Variants in ERICH3 observed in about 807,000 individuals in gnomAD.
ERICH3 encodes the protein glutamate rich 3, also known as glutamate-rich protein 3.
A neutral mutation model predicts 131.1 loss-of-function variants in ERICH3; 126 were observed. That is an observed-to-expected ratio of 0.96 (90% CI 0.83 to 1.11). The LOEUF (loss-of-function observed/expected upper bound fraction) is 1.11, where lower values mean the gene tolerates loss of function less well. ERICH3 is among the 50% of genes most tolerant of loss of function. ERICH3 has a pLI of 0.00. For missense variants in ERICH3, 2,050 were observed against 1,810.7 expected (o/e 1.13, Z -2.40); for synonymous variants, 695 against 644.6 (o/e 1.08, Z -1.18).
At chr1:74,579,061 C>A (rs1366869720) in intron 12 of ERICH3, among the ~76,000 whole-genome samples, 1 of 152,074 alleles carries the variant, frequency 6.6e-6, no homozygotes, top group Non-Finnish European at 1.5e-5. Flanking sequence ...CGACTCAAGA[C>A]AATGATGTAA....
At chr1:74,606,155 C>G (rs561957215) in intron 10 of ERICH3, among the ~76,000 whole-genome samples, 12 of 151,794 alleles carry the variant, frequency 7.9e-5, no homozygotes, top group Non-Finnish European at 1.6e-4. Flanking sequence ...TTCCACAACC[C>G]TAAGCCTATA....
intron 1 of ERICH3, among the ~76,000 whole-genome samples, chr1:74,654,800 C>T (rs1646569617): frequency 6.6e-6 from 1 of 152,112 alleles, no homozygotes; most frequent in Admixed American, 6.6e-5. Flanking sequence ...GAAAAACAAG[C>T]CTTAGTTTAA....
intron 3 of ERICH3, 62 bp downstream of exon 3, chr1:74,646,605 T>A (rs921263061): frequency 1.8e-5 from 18 of 978,758 alleles, no homozygotes; most frequent in South Asian, 4.9e-5. Context: ...TATACCTCCA[T>A]CTTCAGTGAT....
intron 9 of ERICH3, 40 bp from the exon 10 acceptor site, chr1:74,606,942 T>C (rs1366453811): frequency 3.9e-6 from 6 of 1,540,008 alleles, no homozygotes; most frequent in Admixed American, 2.0e-5. Flanking sequence ...TTAACCCTTG[T>C]AGACAGCACA....
chr1:74,584,567 A>G (rs1221636553), intron 12 of ERICH3, among the ~76,000 whole-genome samples: 5 of 152,042 alleles, frequency 3.3e-5, no homozygotes, highest in Non-Finnish European at 5.9e-5. Context: ...CACTTCATTC[A>G]TCTCTGTTCA....
intron 2 of ERICH3, 93 bp from the exon 3 acceptor site, chr1:74,646,885 G>GAC (rs757095331): frequency 8.9e-5 from 26 of 293,586 alleles, no homozygotes; most frequent in Admixed American, 2.9e-4. Flanking sequence ...GGAGAAGACA[G>GAC]ACAGACACAC....
chr1:74,644,933 AGT>A (rs1338794641), intron 3 of ERICH3, among the ~76,000 whole-genome samples: 1 of 151,964 alleles, frequency 6.6e-6, no homozygotes, highest in East Asian at 1.9e-4. Flanking sequence ...CTTGTTGGAG[AGT>A]GTCACTTCCT....
chr1:74,655,680 A>G (rs1646577276), intron 1 of ERICH3, among the ~76,000 whole-genome samples: 1 of 152,176 alleles, frequency 6.6e-6, no homozygotes, highest in South Asian at 2.1e-4. Context: ...ATGTAAAGTA[A>G]CAGATCCACA....
intron 12 of ERICH3, among the ~76,000 whole-genome samples, chr1:74,581,865 G>A (rs1647188110): frequency 6.6e-6 from 1 of 152,166 alleles, no homozygotes; most frequent in African/African-American, 2.4e-5. Flanking sequence ...ACGTTAAGCT[G>A]AAATAGTTTC....
rs184185616 is a variant in ERICH3, at chr1:74,586,648, G to A, written c.2176+2983C>T. The A allele has an allele frequency of 2.4e-3, 800 of 335,896 alleles. 20 individuals are homozygous for A. In the Admixed American group the frequency reaches 0.037, roughly 15 times the overall value. The allele number at this position is 335,896 out of a possible 1,614,324, so 20.8% of individuals were successfully genotyped here. A position where few individuals can be genotyped will look rare whatever the true frequency, so the allele number is the denominator to read the frequency against. On this transcript the variant is annotated intron_variant, in intron 12 of 14. Transcript: ENST00000326665. Reference sequence around the variant, plus strand: ...AAATTTGAAATAATCTTAGTAATAAGACACTAAAGTACTAATAACAATAGT... The same window carrying A: ...AAATTTGAAATAATCTTAGTAATAAAACACTAAAGTACTAATAACAATAGT...
In ERICH3 at chr1:74,599,678, T is replaced by C. The variant is rs1323551609; in HGVS notation, c.1726+17A>G. ...TCAGTAAACAGCCTATGTTACATGATAAGCTGAACAACTCGCCTTGTTTAT... is the reference window on the plus strand; with the variant it reads ...TCAGTAAACAGCCTATGTTACATGACAAGCTGAACAACTCGCCTTGTTTAT... On this transcript the variant is annotated intron_variant, in intron 11 of 14. Coordinates refer to ENST00000326665, the MANE Select transcript of ERICH3 (RefSeq NM_001002912.5). 3.2e-6 allele frequency: 5 copies of C among 1,573,448 alleles called. No individual in the cohort carries two copies. Among genetic ancestry groups the C allele is most frequent in the South Asian group, 2.3e-5 (2 of 85,870 alleles).
At chr1:74,660,318 G>A (rs1253177288) in intron 1 of ERICH3, among the ~76,000 whole-genome samples, 1 of 151,912 alleles carries the variant, frequency 6.6e-6, no homozygotes, top group East Asian at 1.9e-4. Flanking sequence ...TGTGAGAACA[G>A]ACTAATACAA....
chr1:74,616,012 GT>G (rs1305690762), intron 8 of ERICH3, among the ~76,000 whole-genome samples: 7 of 151,866 alleles, frequency 4.6e-5, no homozygotes, highest in African/African-American at 7.3e-5. Flanking sequence ...TTTTGGTTTT[GT>G]TTTTTTGAGA....
rs1209835763 is a variant in ERICH3 at position 74,611,089 on chromosome 1, C to A, written c.1187+1534G>T. Among the ~76,000 whole-genome samples the A allele has an allele frequency of 2.6e-5, 4 of 152,114 alleles. No individual in the cohort carries two copies. The East Asian group carries it at 7.7e-4, about 29-fold the overall frequency. ...CTTATACATGTCATCTATATGCAAA[C>A]CATTCTCAGATTTGCATCTCCAGCC... On this transcript the variant is annotated intron_variant, in intron 9 of 14. Coordinates refer to ENST00000326665, the MANE Select transcript of ERICH3 (RefSeq NM_001002912.5).
Position 74,620,713 on chromosome 1 carries a change from AC to A in ERICH3, c.1000+20del, listed in dbSNP as rs767304549. 5 of 1,555,626 alleles carry A rather than the reference AC, an allele frequency of 3.2e-6. No homozygotes were observed. The highest frequency in any genetic ancestry group is 2.0e-5 in the Admixed American group (1 of 51,250). On this transcript the variant is annotated intron_variant, in intron 8 of 14. Transcript: ENST00000326665. ...AACATCAACTCCAAGCAATTAAAAA[AC>A]ATTCACATTTTATGTGTACCTTTTT...
chr1:74,658,327 C>T (rs1367613295), intron 1 of ERICH3, among the ~76,000 whole-genome samples: 3 of 152,100 alleles, frequency 2.0e-5, no homozygotes, highest in Admixed American at 6.6e-5. Flanking sequence ...TGCTGAAATG[C>T]AGCTTTGGGT....
In ERICH3 at chr1:74,571,152, T is replaced by TC; in HGVS notation, c.4557dup (p.Thr1520AspfsTer20). The TC allele has an allele frequency of 6.2e-7, 1 of 1,614,032 alleles. No individual in the cohort carries two copies. The highest frequency in any genetic ancestry group is 8.5e-7 in the Non-Finnish European group (1 of 1,179,974). On this transcript the variant is annotated frameshift_variant, in exon 14 of 15. Transcript: ENST00000326665. LOFTEE classifies it low-confidence loss of function (END_TRUNC). ...ACGTTGTTGGGGGAAACATCTGCAG[T>TC]CTCGCTTTCTCCTTGCACCATATGC...
intron 10 of ERICH3, among the ~76,000 whole-genome samples, chr1:74,602,513 A>T (rs1206268258): frequency 6.6e-6 from 1 of 151,970 alleles, no homozygotes. Flanking sequence ...CGGGGTCAAC[A>T]TCAATCTAGC....
At chr1:74,577,683 T>C (rs1482160851) in intron 12 of ERICH3, among the ~76,000 whole-genome samples, 1 of 151,752 alleles carries the variant, frequency 6.6e-6, no homozygotes, top group Non-Finnish European at 1.5e-5. Flanking sequence ...CAGAAGATCA[T>C]GAAGTAAAGA....
Sources: gnomAD v4.1 joint callset for allele counts (sites outside exome capture counted in the v4.1 genomes callset) on GRCh38, gnomAD v4.1.1 for gene constraint, MANE v1.5 for transcripts, NCBI Gene and HGNC (gene_info 2026-07-23, HGNC 2026-07-21) for gene names.